SLC16A2: variants seen among roughly 807,000 people sequenced by gnomAD.
SLC16A2 encodes solute carrier family 16 member 2, also known as monocarboxylate transporter 8.
SLC16A2 carries 3 observed loss-of-function variants against 27.2 expected under a neutral mutation model. The observed-to-expected ratio is 0.11, with a 90% CI of 0.05 to 0.28. SLC16A2 has a LOEUF of 0.28. SLC16A2 is among the 10% of genes least tolerant of loss of function. The probability of loss-of-function intolerance (pLI) is 1.00; values close to 1 mark genes in which losing one functional copy is unlikely to be tolerated. For synonymous variants in SLC16A2, 202 were observed against 187.8 expected, an observed-to-expected ratio of 1.08 and a Z score of -0.62; for missense variants, 295 against 458.5, an observed-to-expected ratio of 0.64 and a Z score of 3.26.
At chrX:74,428,407 C>G (rs112931797) in intron 1 of SLC16A2, among the ~76,000 whole-genome samples, 3,183 of 111,426 alleles carry the variant, frequency 0.029, 54 homozygotes, top group Non-Finnish European at 0.049. Flanking sequence ...ATTGGCTGTC[C>G]CAATCACATA....
At chrX:74,527,324 T>C (rs1339339777) in intron 4 of SLC16A2, among the ~76,000 whole-genome samples, 1 of 112,724 alleles carries the variant, frequency 8.9e-6, no homozygotes, top group Non-Finnish European at 1.9e-5. Context: ...TTCCTCATTT[T>C]ACAAATTGAG....
chrX:74,429,503 G>A (rs1460448701), intron 1 of SLC16A2, among the ~76,000 whole-genome samples: 1 of 110,323 alleles, frequency 9.1e-6, no homozygotes, highest in African/African-American at 3.3e-5. Context: ...CAGGGAGGGT[G>A]GAGGTGGGGG....
chrX:74,522,600 C>T (rs183329529), intron 2 of SLC16A2, among the ~76,000 whole-genome samples: 36 of 111,777 alleles, frequency 3.2e-4, no homozygotes, highest in Admixed American at 3.1e-3. Flanking sequence ...TTTTTAAGAC[C>T]GAGCAGAGCA....
At chrX:74,477,196 G>A in intron 1 of SLC16A2, 1 of 111,786 alleles carries the variant, frequency 8.9e-6, no homozygotes, top group East Asian at 2.8e-4. Context: ...GTTCTTCCTG[G>A]TTTAGTCTTG....
intron 1 of SLC16A2, among the ~76,000 whole-genome samples, chrX:74,430,479 C>T (rs1182202026): frequency 8.9e-6 from 1 of 112,018 alleles, no homozygotes; most frequent in African/African-American, 3.2e-5. Context: ...TCTCATGATA[C>T]ATGGCATACT....
intron 1 of SLC16A2, among the ~76,000 whole-genome samples, chrX:74,484,325 G>A (rs1929677313): frequency 8.9e-6 from 1 of 111,883 alleles, no homozygotes; most frequent in African/African-American, 3.3e-5. Flanking sequence ...ACAACTTGAA[G>A]TTGGGGCTTC....
chrX:74,446,940 C>T (rs748535803), intron 1 of SLC16A2, among the ~76,000 whole-genome samples: 1 of 112,619 alleles, frequency 8.9e-6, no homozygotes, highest in African/African-American at 3.2e-5. Context: ...GTGACAGATA[C>T]AGTTCTCCCT....
chrX:74,445,878 A>C (rs1322547136), intron 1 of SLC16A2, among the ~76,000 whole-genome samples: 1 of 109,918 alleles, frequency 9.1e-6, no homozygotes, highest in African/African-American at 3.3e-5. Context: ...CTGACTTCTC[A>C]GGCCTTATTT....
chrX:74,521,130 A>G lies in SLC16A2; in HGVS notation c.571A>G (p.Thr191Ala). ...CATTGGCCTCCATACCAGCTCCTTC[A>G]CCAGGTAAGGCTAAGAGTTGGTGGT... Reference protein sequence around the residue: ...AFIGLHTSSFTSSLSLRYFTY... With the variant: ...AFIGLHTSSFASSLSLRYFTY... The change falls in exon 2 of 6, where the codon ACC becomes GCC. Residue 191 changes from threonine (T) to alanine (A), a missense_variant. Transcript: ENST00000587091. 8.3e-7 allele frequency: 1 copy of G among 1,211,487 alleles called. No individual in the cohort carries two copies. The highest frequency in any genetic ancestry group is 1.1e-6 in the Non-Finnish European group (1 of 895,393).
intron 1 of SLC16A2, among the ~76,000 whole-genome samples, chrX:74,430,895 C>T (rs1417584753): frequency 8.9e-6 from 1 of 112,180 alleles, no homozygotes; most frequent in Non-Finnish European, 1.9e-5. Flanking sequence ...GTGCACATGA[C>T]CACACCCAGC....
chrX:74,447,173 T>C (rs945691790), intron 1 of SLC16A2, among the ~76,000 whole-genome samples: 2 of 112,393 alleles, frequency 1.8e-5, no homozygotes, highest in African/African-American at 3.2e-5. Flanking sequence ...CAATAGGCTT[T>C]TGCCCTTCTC....
chrX:74,466,398 G>T (rs1929251119), intron 1 of SLC16A2, among the ~76,000 whole-genome samples: 1 of 110,962 alleles, frequency 9.0e-6, no homozygotes, highest in African/African-American at 3.3e-5. Context: ...ACCCCTTGCA[G>T]ACACCAAAAT....
intron 1 of SLC16A2, among the ~76,000 whole-genome samples, chrX:74,512,461 A>C (rs1427578127): frequency 8.9e-6 from 1 of 112,125 alleles, no homozygotes; most frequent in East Asian, 2.8e-4. Context: ...CAGCCACCTT[A>C]TCTCTCTTCC....
rs1424472744 is a variant in SLC16A2 at position 74,519,746 on chromosome X, A to AAAAC, written c.431-1244_431-1243insAAAC. Among the ~76,000 whole-genome samples the AAAAC allele has an allele frequency of 5.7e-4, 43 of 75,046 alleles. 5 individuals carry two copies. Among genetic ancestry groups the AAAAC allele is most frequent in the Non-Finnish European group, 1.0e-3 (33 of 33,106 alleles). 65.2% of individuals were successfully genotyped at this position (75,046 alleles called of 115,157 possible). A position where few individuals can be genotyped will look rare whatever the true frequency, so the allele number is the denominator to read the frequency against. Reference sequence around the variant, plus strand: ...AAAAAAAAAACAAAAAAAAAACGAAAGAAAGAAAAAGAAAAAGAAATGTTT... The same window carrying AAAAC: ...AAAAAAAAAACAAAAAAAAAACGAAAAAACGAAAGAAAAAGAAAAAGAAATGTTT... On this transcript the variant is annotated intron_variant, in intron 1 of 5. Coordinates refer to ENST00000587091, the MANE Select transcript of SLC16A2 (RefSeq NM_006517.5).
intron 5 of SLC16A2, among the ~76,000 whole-genome samples, chrX:74,530,962 G>A (rs1930558374): frequency 9.0e-6 from 1 of 111,571 alleles, no homozygotes; most frequent in African/African-American, 3.3e-5. Context: ...GGAACCATTT[G>A]TGGGGGCAGG....
intron 1 of SLC16A2, chrX:74,473,183 A>G (rs1244071424): frequency 1.4e-5 from 10 of 707,015 alleles, no homozygotes; most frequent in African/African-American, 2.1e-5. Flanking sequence ...TAACTGCCAA[A>G]ATCATTGTAG....
chrX:74,463,643 C>T (rs1386276268), intron 1 of SLC16A2, among the ~76,000 whole-genome samples: 2 of 110,824 alleles, frequency 1.8e-5, no homozygotes, highest in African/African-American at 6.6e-5. Flanking sequence ...TCTCCTGCCT[C>T]AGCCTCCCGA....
At chrX:74,474,586 G>A (rs1308783810) in intron 1 of SLC16A2, among the ~76,000 whole-genome samples, 4 of 108,681 alleles carry the variant, frequency 3.7e-5, no homozygotes, top group Admixed American at 1.0e-4. Flanking sequence ...CCATTAACTC[G>A]TCATTTAACA....
chrX:74,463,580 G>A (rs1157356818), intron 1 of SLC16A2, among the ~76,000 whole-genome samples: 1 of 110,460 alleles, frequency 9.1e-6, no homozygotes, highest in Non-Finnish European at 1.9e-5. Context: ...AGGCTGGAGT[G>A]CAGTGGCACG....
Sources: gnomAD v4.1 joint callset for allele counts (sites outside exome capture counted in the v4.1 genomes callset) on GRCh38, gnomAD v4.1.1 for gene constraint, MANE v1.5 for transcripts, NCBI Gene and HGNC (gene_info 2026-07-23, HGNC 2026-07-21) for gene names.